Variants in COL11A1 observed in about 807,000 individuals in gnomAD.
COL11A1 encodes the protein collagen type XI alpha 1 chain.
In COL11A1, 74 loss-of-function variants were observed where a neutral mutation model predicts 265.2. The ratio of observed to expected loss-of-function variants is 0.28; its 90% CI spans 0.23 to 0.34. The LOEUF (loss-of-function observed/expected upper bound fraction) is 0.34. Among genes scored for constraint, COL11A1 ranks in the 10% least tolerant of loss-of-function variants. The probability of loss-of-function intolerance (pLI) is 1.00; values close to 1 mark genes in which losing one functional copy is unlikely to be tolerated. For synonymous variants in COL11A1, 816 were observed against 727.6 expected (o/e 1.12, Z -1.96); for missense variants, 2,165 against 2,263.6 (o/e 0.96, Z 0.88).
chr1:102,912,882 G>A (rs143342851), intron 53 of COL11A1, among the ~76,000 whole-genome samples: 26 of 152,208 alleles, frequency 1.7e-4, no homozygotes, highest in African/African-American at 5.5e-4. Context: ...TGCTTGCTTC[G>A]CCTTCCACCA....
At chr1:103,064,348 T>C (rs376340106) in intron 4 of COL11A1, among the ~76,000 whole-genome samples, 2 of 152,068 alleles carry the variant, frequency 1.3e-5, no homozygotes, top group African/African-American at 2.4e-5. Flanking sequence ...ATCCGGCTAG[T>C]AGAATGTTAT....
intron 36 of COL11A1, among the ~76,000 whole-genome samples, chr1:102,970,781 C>A (rs767895056): frequency 4.6e-5 from 7 of 151,816 alleles, no homozygotes; most frequent in Non-Finnish European, 8.8e-5. Flanking sequence ...TTTGGGAGGT[C>A]GAGGCGGGAG....
chr1:103,088,436 T>G (rs535590857), intron 1 of COL11A1, among the ~76,000 whole-genome samples: 252 of 152,330 alleles, frequency 1.7e-3, no homozygotes, highest in Non-Finnish European at 2.6e-3. Context: ...AGACCTCCCA[T>G]AGACCTCCTT....
At chr1:103,058,940 T>C (rs1305612475) in intron 4 of COL11A1, among the ~76,000 whole-genome samples, 1 of 152,058 alleles carries the variant, frequency 6.6e-6, no homozygotes, top group Non-Finnish European at 1.5e-5. Context: ...TGTTTTGGGG[T>C]CTCATAAACC....
intron 30 of COL11A1, among the ~76,000 whole-genome samples, 177 bp from the exon 31 acceptor site, chr1:102,984,368 G>T (rs1417045767): frequency 6.6e-6 from 1 of 151,776 alleles, no homozygotes; most frequent in Non-Finnish European, 1.5e-5. Flanking sequence ...GAAAATTGTT[G>T]CTTTGAACAT....
At chr1:102,946,995 A>T (rs1659364290) in intron 41 of COL11A1, 39 bp from the exon 42 acceptor site, 5 of 1,480,446 alleles carry the variant, frequency 3.4e-6, no homozygotes, top group Non-Finnish European at 4.7e-6. Flanking sequence ...TATTAAAGAA[A>T]GTAATACTGG....
intron 18 of COL11A1, 83 bp downstream of exon 18, chr1:103,005,755 T>C: frequency 6.6e-7 from 1 of 1,525,794 alleles, no homozygotes; most frequent in Admixed American, 1.7e-5. Flanking sequence ...TAATTTTTCT[T>C]CTTTTTCTGA....
intron 46 of COL11A1, among the ~76,000 whole-genome samples, chr1:102,931,589 T>C (rs1455687576): frequency 2.0e-5 from 3 of 152,146 alleles, no homozygotes; most frequent in Non-Finnish European, 4.4e-5. Context: ...GGTAGAGAGT[T>C]CTGTAGATGT....
In COL11A1 at chr1:103,108,283, A is replaced by T. The variant is rs976828697; in HGVS notation, c.-105T>A. 30 of 847,082 alleles carry T rather than the reference A, an allele frequency of 3.5e-5. No individual in the cohort carries two copies. Among genetic ancestry groups the T allele is most frequent in the Admixed American group, 9.7e-5 (5 of 51,800 alleles). The allele number at this position is 847,082 out of a possible 1,614,324, so 52.5% of individuals were successfully genotyped here. A position where few individuals can be genotyped will look rare whatever the true frequency, so the allele number is the denominator to read the frequency against. Reference sequence around the variant, plus strand: ...CGCCAGGGATGTTTGCTACACAGCCATTGGGGAGGGAGAGGGGGAAAAAGT... The same window carrying T: ...CGCCAGGGATGTTTGCTACACAGCCTTTGGGGAGGGAGAGGGGGAAAAAGT... On this transcript the variant is annotated 5_prime_UTR_variant, in exon 1 of 67. It removes an upstream start codon present in the reference 5' UTR. Coordinates refer to ENST00000370096, the MANE Select transcript of COL11A1 (RefSeq NM_001854.4).
chr1:102,934,324 G>T (rs1435803796), intron 46 of COL11A1, 125 bp downstream of exon 46: 21 of 681,594 alleles, frequency 3.1e-5, no homozygotes, highest in Non-Finnish European at 5.5e-5. Context: ...GATCTTTATG[G>T]ATAAACATTG....
intron 53 of COL11A1, 64 bp from the exon 54 acceptor site, chr1:102,912,276 T>C (rs2101017483): frequency 7.4e-7 from 1 of 1,351,352 alleles, no homozygotes; most frequent in Non-Finnish European, 1.0e-6. Context: ...ACATAAATTT[T>C]CAAAATCTGG....
intron 4 of COL11A1, among the ~76,000 whole-genome samples, chr1:103,055,216 T>A (rs1670149646): frequency 6.6e-6 from 1 of 152,224 alleles, no homozygotes; most frequent in Non-Finnish European, 1.5e-5. Context: ...ATTATTATAA[T>A]CTTTTTCATT....
Position 102,983,899 on chromosome 1 carries a change from G to T in COL11A1, c.2556+239C>A, listed in dbSNP as rs111430380. ...GGATATTTCTTGTTCCAATTACAAA[G>T]AATTACCGATTATGCCTTCGTTTCA... On this transcript the variant is annotated intron_variant, in intron 31 of 66. Transcript: ENST00000370096. Among the ~76,000 whole-genome samples, 3,541 of 152,088 alleles carry T rather than the reference G, an allele frequency of 0.023. 53 individuals are homozygous for T. The highest frequency in any genetic ancestry group is 0.082 in the Middle Eastern group (24 of 294).
At chr1:103,101,361 T>A (rs190820971) in intron 1 of COL11A1, among the ~76,000 whole-genome samples, 1 of 152,148 alleles carries the variant, frequency 6.6e-6, no homozygotes, top group Admixed American at 6.6e-5. Flanking sequence ...ACTCTTAGAC[T>A]CTAAAGACAG....
At chr1:103,023,876 T>G (rs1482921792) in intron 7 of COL11A1, among the ~76,000 whole-genome samples, 1 of 152,104 alleles carries the variant, frequency 6.6e-6, no homozygotes, top group African/African-American at 2.4e-5. Context: ...AAATAAATGA[T>G]AGCTAGCAAC....
rs1046727439 is a variant in COL11A1, at chr1:103,075,724, C to T, written c.489-944G>A. Among the ~76,000 whole-genome samples the T allele has an allele frequency of 3.3e-5, 5 of 152,080 alleles. No individual in the cohort carries two copies. In the South Asian group the frequency reaches 1.0e-3, roughly 32 times the overall value. ...AATGAAAAGTGCTAGATTAATATTC[C>T]AGAAGTGTCTAGGACTAGATCCATA... On this transcript the variant is annotated intron_variant, in intron 3 of 66. Transcript: ENST00000370096.
chr1:103,089,287 A>G (rs938008226), intron 1 of COL11A1, among the ~76,000 whole-genome samples: 1 of 152,160 alleles, frequency 6.6e-6, no homozygotes, highest in African/African-American at 2.4e-5. Context: ...TTTAGTGTAA[A>G]CCTAAGCATG....
intron 35 of COL11A1, among the ~76,000 whole-genome samples, chr1:102,975,843 C>A (rs1012443863): frequency 7.2e-5 from 11 of 152,008 alleles, no homozygotes; most frequent in African/African-American, 2.7e-4. Flanking sequence ...TCTAGCCTTC[C>A]CAAGAAAAAT....
intron 30 of COL11A1, among the ~76,000 whole-genome samples, chr1:102,986,377 C>T (rs1397464388): frequency 7.7e-6 from 1 of 130,400 alleles, no homozygotes. Flanking sequence ...AACACATGGA[C>T]ACAGGAAGGG....
Sources: allele counts gnomAD v4.1 joint callset (sites outside exome capture counted in the v4.1 genomes callset), GRCh38; gene constraint gnomAD v4.1.1; transcripts MANE v1.5; gene names NCBI Gene and HGNC (gene_info 2026-07-23, HGNC 2026-07-21).